The following PLGRKT variants were observed in gnomAD, a reference collection of about 807,000 sequenced individuals.
PLGRKT encodes plasminogen receptor with a C-terminal lysine, also known as plasminogen receptor (KT).
PLGRKT carries 22 observed loss-of-function variants against 18.5 expected under a neutral mutation model. The observed-to-expected ratio is 1.19, with a 90% CI of 0.85 to 1.70. The LOEUF (loss-of-function observed/expected upper bound fraction) is 1.70. PLGRKT is among the 40% of genes most tolerant of loss of function. PLGRKT has a pLI of 0.00. For missense variants in PLGRKT, 235 were observed against 174.4 expected, an observed-to-expected ratio of 1.35 and a Z score of -1.96; for synonymous variants, 72 against 52.8, an observed-to-expected ratio of 1.36 and a Z score of -1.58.
intron 3 of PLGRKT, among the ~76,000 whole-genome samples, chr9:5,416,342 C>A (rs78021048): frequency 0.033 from 5,074 of 152,074 alleles, 294 homozygotes; most frequent in African/African-American, 0.12. Context: ...ATGTAGAAGT[C>A]TAAAGATTTT....
chr9:5,428,410 A>C (rs1044225864), intron 3 of PLGRKT, among the ~76,000 whole-genome samples: 2 of 152,152 alleles, frequency 1.3e-5, no homozygotes. Flanking sequence ...ACTTGGTCTC[A>C]GGGAAGGCAA....
At chr9:5,387,783 A>G (rs1353409627) in intron 3 of PLGRKT, among the ~76,000 whole-genome samples, 1 of 151,842 alleles carries the variant, frequency 6.6e-6, no homozygotes, top group Non-Finnish European at 1.5e-5. Flanking sequence ...TATCTATGTT[A>G]TACTTTAACA....
intron 3 of PLGRKT, among the ~76,000 whole-genome samples, chr9:5,408,163 C>G (rs1488263153): frequency 6.6e-6 from 1 of 152,190 alleles, no homozygotes; most frequent in East Asian, 1.9e-4. Flanking sequence ...GGCTTTCGAA[C>G]TGTGAAATGG....
intron 3 of PLGRKT, among the ~76,000 whole-genome samples, chr9:5,428,024 G>A (rs1305752917): frequency 2.6e-5 from 4 of 152,132 alleles, no homozygotes; most frequent in African/African-American, 4.8e-5. Context: ...GTGGGAGAAG[G>A]GAGGATGTTA....
At chr9:5,424,668 T>TTATATATATATATATATGTATATA (rs1818655446) in intron 3 of PLGRKT, among the ~76,000 whole-genome samples, 2 of 113,160 alleles carry the variant, frequency 1.8e-5, no homozygotes, top group African/African-American at 8.2e-5. Context: ...ATTATATATT[T>TTATATATATATATATATGTATATA]TATATATATA....
chr9:5,366,090 GAT>G (rs1232335428), intron 3 of PLGRKT, among the ~76,000 whole-genome samples: 5 of 152,112 alleles, frequency 3.3e-5, no homozygotes, highest in Non-Finnish European at 7.4e-5. Flanking sequence ...AATTTCATAA[GAT>G]TATGTTTAAA....
intron 3 of PLGRKT, among the ~76,000 whole-genome samples, chr9:5,399,748 G>A (rs1474660066): frequency 6.6e-6 from 1 of 151,706 alleles, no homozygotes; most frequent in East Asian, 1.9e-4. Flanking sequence ...CAGCAATTTG[G>A]GAGGCCGAGG....
At chr9:5,428,081 G>A (rs932799877) in intron 3 of PLGRKT, among the ~76,000 whole-genome samples, 1 of 152,184 alleles carries the variant, frequency 6.6e-6, no homozygotes, top group East Asian at 1.9e-4. Flanking sequence ...CAAAAAACAA[G>A]GCGACGTGGC....
chr9:5,361,024 C>T lies in PLGRKT; in HGVS notation c.322+54G>A, dbSNP rs138239765. 2.4e-4 allele frequency: 229 copies of T among 957,804 alleles called. 1 individual carries two copies. The African/African-American group carries it at 3.4e-3, about 14-fold the overall frequency. 59.3% of individuals were successfully genotyped at this position (957,804 alleles called of 1,614,324 possible). A position where few individuals can be genotyped will look rare whatever the true frequency, so the allele number is the denominator to read the frequency against. ...GTCAAAGGTTCCTAAGGCAGGGATC[C>T]TTGAAATGGAAAATAAATCAGCAAA... On this transcript the variant is annotated intron_variant, in intron 5 of 5. Transcript: ENST00000223864.
chr9:5,364,448 T>G (rs962710691), intron 3 of PLGRKT, among the ~76,000 whole-genome samples: 4 of 152,208 alleles, frequency 2.6e-5, no homozygotes, highest in Non-Finnish European at 4.4e-5. Context: ...ATTCTGCATT[T>G]GTCAAAACTC....
At chr9:5,410,928 C>A (rs1372081630) in intron 3 of PLGRKT, among the ~76,000 whole-genome samples, 1 of 151,988 alleles carries the variant, frequency 6.6e-6, no homozygotes, top group African/African-American at 2.4e-5. Context: ...TTTACTTCAG[C>A]TTGATATAAT....
chr9:5,382,289 G>C (rs1348488520), intron 3 of PLGRKT, among the ~76,000 whole-genome samples: 4 of 152,188 alleles, frequency 2.6e-5, no homozygotes, highest in Non-Finnish European at 5.9e-5. Flanking sequence ...GGTCATCACA[G>C]TTATGACAGG....
At chr9:5,382,034 G>A (rs79566056) in intron 3 of PLGRKT, 3 of 983,650 alleles carry the variant, frequency 3.0e-6, no homozygotes, top group Non-Finnish European at 3.6e-6. Flanking sequence ...TGTGCACCCT[G>A]AAAAAAAAGT....
At chr9:5,383,672 G>A (rs1005676114) in intron 3 of PLGRKT, among the ~76,000 whole-genome samples, 1 of 152,168 alleles carries the variant, frequency 6.6e-6, no homozygotes, top group Non-Finnish European at 1.5e-5. Context: ...CTCATAAGGA[G>A]CATGCAACCT....
intron 3 of PLGRKT, among the ~76,000 whole-genome samples, chr9:5,412,282 T>C (rs1478428856): frequency 6.6e-6 from 1 of 152,190 alleles, no homozygotes; most frequent in Non-Finnish European, 1.5e-5. Context: ...CTATCTCATA[T>C]CATATATGAG....
At chr9:5,421,890 A>G (rs895818259) in intron 3 of PLGRKT, among the ~76,000 whole-genome samples, 2 of 152,246 alleles carry the variant, frequency 1.3e-5, no homozygotes, top group African/African-American at 4.8e-5. Context: ...AGCAAAAAGA[A>G]TAATGACTAC....
intron 3 of PLGRKT, among the ~76,000 whole-genome samples, chr9:5,388,244 G>T (rs1326705400): frequency 6.6e-6 from 1 of 151,844 alleles, no homozygotes; most frequent in Non-Finnish European, 1.5e-5. Context: ...CAGTCAGAGA[G>T]ACAGGGAGAC....
At chr9:5,406,177 C>A (rs890412762) in intron 3 of PLGRKT, among the ~76,000 whole-genome samples, 7 of 152,190 alleles carry the variant, frequency 4.6e-5, no homozygotes, top group Non-Finnish European at 1.0e-4. Flanking sequence ...TAAATTAGTT[C>A]AACCTTTGTG....
At chr9:5,432,382 A>G (rs189421260) in intron 2 of PLGRKT, among the ~76,000 whole-genome samples, 1 of 152,304 alleles carries the variant, frequency 6.6e-6, no homozygotes, top group East Asian at 1.9e-4. Context: ...CAATTAGGCA[A>G]CAGAACCTTT....
Sources: allele counts gnomAD v4.1 joint callset (sites outside exome capture counted in the v4.1 genomes callset), GRCh38; gene constraint gnomAD v4.1.1; transcripts MANE v1.5; gene names NCBI Gene and HGNC (gene_info 2026-07-23, HGNC 2026-07-21).